The following SSX2IP variants were observed in gnomAD, a reference collection of about 807,000 sequenced individuals.
The protein encoded by SSX2IP is SSX family member 2 interacting protein, also known as afadin- and alpha-actinin-binding protein.
A neutral mutation model predicts 84.9 loss-of-function variants in SSX2IP; 55 were observed. The observed-to-expected ratio is 0.65, with a 90% CI of 0.52 to 0.81. The LOEUF (loss-of-function observed/expected upper bound fraction) is 0.81. SSX2IP is among the 30% of genes least tolerant of loss of function. The pLI is 0.00. For missense variants in SSX2IP, 664 were observed against 705.2 expected, an observed-to-expected ratio of 0.94 and a Z score of 0.66; for synonymous variants, 239 against 234.7, an observed-to-expected ratio of 1.02 and a Z score of -0.17.
chr1:84,656,254 G>C (rs1651101140), intron 10 of SSX2IP, 94 bp downstream of exon 10: 1 of 1,263,492 alleles, frequency 7.9e-7, no homozygotes, highest in Non-Finnish European at 1.1e-6. Flanking sequence ...TCAAATACCA[G>C]GGCCTTATGA....
At chr1:84,661,074 A>C (rs1570617434) in intron 8 of SSX2IP, among the ~76,000 whole-genome samples, 1 of 149,164 alleles carries the variant, frequency 6.7e-6, no homozygotes, top group African/African-American at 2.5e-5. Flanking sequence ...TCTTAAAAAA[A>C]AAAAAAAAAA....
In SSX2IP at chr1:84,646,059, T is replaced by C. The variant is rs1225651561; in HGVS notation, c.*1374A>G. On this transcript the variant is annotated 3_prime_UTR_variant, in exon 14 of 14. Coordinates refer to ENST00000342203, the MANE Select transcript of SSX2IP (RefSeq NM_001166293.2). Reference sequence around the variant, plus strand: ...TTTTTTTGTTTTTTAATAATATGAATTTAAAATAGCCACAAACAGGGTGAG... The same window carrying C: ...TTTTTTTGTTTTTTAATAATATGAACTTAAAATAGCCACAAACAGGGTGAG... 1 of 152,246 alleles carries C rather than the reference T, an allele frequency of 6.6e-6. No individual in the cohort carries two copies. The highest frequency in any genetic ancestry group is 1.5e-5 in the Non-Finnish European group (1 of 67,990). 9.4% of individuals were successfully genotyped at this position (152,246 alleles called of 1,614,324 possible). A position where few individuals can be genotyped will look rare whatever the true frequency, so the allele number is the denominator to read the frequency against.
At chr1:84,655,585 C>A in intron 11 of SSX2IP, 1 of 1,442,196 alleles carries the variant, frequency 6.9e-7, no homozygotes, top group Admixed American at 2.1e-5. Context: ...AGGAGAAAGC[C>A]AATCTGAAAG....
chr1:84,678,198 G>A (rs755108619), intron 1 of SSX2IP, among the ~76,000 whole-genome samples: 5 of 152,102 alleles, frequency 3.3e-5, no homozygotes, highest in Admixed American at 3.3e-4. Flanking sequence ...ATGGTTAGAT[G>A]TCTTCCCGAC....
rs1306114509 is a variant in SSX2IP at position 84,646,735 on chromosome 1, A to G, written c.*698T>C. On this transcript the variant is annotated 3_prime_UTR_variant, in exon 14 of 14. Coordinates refer to ENST00000342203, the MANE Select transcript of SSX2IP (RefSeq NM_001166293.2). ...GTAATGTTAGTAGTGTTGATTATCT[A>G]AAGAACTCAGCTTCATGGAATACCT... 2 of 152,592 alleles carry G rather than the reference A, an allele frequency of 1.3e-5. No individual in the cohort carries two copies. Among genetic ancestry groups the G allele is most frequent in the South Asian group, 2.1e-4 (1 of 4,832 alleles). The allele number at this position is 152,592 out of a possible 1,614,324, so 9.5% of individuals were successfully genotyped here.
chr1:84,682,969 A>G (rs1404239754), intron 1 of SSX2IP, among the ~76,000 whole-genome samples: 2 of 152,128 alleles, frequency 1.3e-5, no homozygotes, highest in Non-Finnish European at 2.9e-5. Context: ...CAATCTTACA[A>G]TGATCCAAAT....
At chr1:84,685,914 G>A (rs1462770240) in intron 1 of SSX2IP, among the ~76,000 whole-genome samples, 2 of 152,142 alleles carry the variant, frequency 1.3e-5, no homozygotes, top group Admixed American at 1.3e-4. Flanking sequence ...ACAATTAACA[G>A]GCAAATGAAA....
At chr1:84,666,328 T>A (rs1652773188) in intron 4 of SSX2IP, 96 bp from the exon 5 acceptor site, 2 of 845,930 alleles carry the variant, frequency 2.4e-6, no homozygotes, top group Non-Finnish European at 3.8e-6. Flanking sequence ...TACATCCTAG[T>A]GTTTATTAGT....
chr1:84,669,605 T>C, intron 4 of SSX2IP, 76 bp downstream of exon 4: 1 of 1,227,230 alleles, frequency 8.1e-7, no homozygotes, highest in Middle Eastern at 2.0e-4. Flanking sequence ...CCCTGAAATA[T>C]TTAATAAAGT....
intron 1 of SSX2IP, among the ~76,000 whole-genome samples, chr1:84,676,096 C>G (rs1356664214): frequency 6.6e-6 from 1 of 152,114 alleles, no homozygotes; most frequent in East Asian, 1.9e-4. Flanking sequence ...ATACAGCTAC[C>G]CAAATTCCAA....
At chr1:84,664,312 T>G (rs752666128) in intron 6 of SSX2IP, 105 bp downstream of exon 6, 21 of 1,183,808 alleles carry the variant, frequency 1.8e-5, no homozygotes, top group Non-Finnish European at 2.4e-5. Context: ...GTATAAAGCA[T>G]GAAAATAACA....
At chr1:84,648,485 A>C (rs1224445078) in intron 13 of SSX2IP, among the ~76,000 whole-genome samples, 1 of 152,240 alleles carries the variant, frequency 6.6e-6, no homozygotes, top group Non-Finnish European at 1.5e-5. Context: ...ATTAACATTT[A>C]ACTTGCAACA....
chr1:84,647,598 A>G lies in SSX2IP; in HGVS notation c.1680T>C (p.Asn560=). The stretch of plus-strand genomic sequence containing the variant: ...TTTCTTCAGCAGTTATATTCAGTAC[A>G]TTGATTGAACTGTTGGGAAAAGAAA... ...RSCISEHSSI[N]VLNITAEEIK... is the part of the protein sequence containing the mutation. Residue 560 remains asparagine (N), a synonymous_variant, in exon 14 of 14, where the codon AAT becomes AAC. Transcript: ENST00000342203. 1.9e-6 allele frequency: 3 copies of G among 1,594,944 alleles called. No homozygotes were observed. The highest frequency in any genetic ancestry group is 2.6e-6 in the Non-Finnish European group (3 of 1,169,630).
At chr1:84,670,922 A>T in intron 2 of SSX2IP, 107 bp from the exon 3 acceptor site, 1 of 842,782 alleles carries the variant, frequency 1.2e-6, no homozygotes, top group Non-Finnish European at 1.8e-6. Context: ...ATATAAACAT[A>T]GATATAATAT....
chr1:84,681,011 T>C (rs979642397), intron 1 of SSX2IP, among the ~76,000 whole-genome samples: 1 of 148,798 alleles, frequency 6.7e-6, no homozygotes, highest in African/African-American at 2.4e-5. Context: ...ATGCATAAAA[T>C]AAAACAGCAA....
intron 13 of SSX2IP, chr1:84,649,718 C>T: frequency 9.7e-6 from 3 of 310,300 alleles, no homozygotes; most frequent in South Asian, 2.9e-5. Context: ...AATGTTCTAC[C>T]TGCTTCCTCT....
chr1:84,658,477 G>T lies in SSX2IP; in HGVS notation c.928-9C>A. ...TCAACATCGGAAATAACCTACAAGC[G>T]GAGAGAGATGAAGAGGAAAGGCTAG... is the stretch of plus-strand genomic sequence containing the variant. On this transcript the variant is annotated splice_polypyrimidine_tract_variant and intron_variant, in intron 8 of 13. Transcript: ENST00000342203. 2 of 1,612,222 alleles carry T rather than the reference G, an allele frequency of 1.2e-6. No individual in the cohort carries two copies. The highest frequency in any genetic ancestry group is 1.7e-6 in the Non-Finnish European group (2 of 1,178,962).
At chr1:84,656,277 C>A in intron 10 of SSX2IP, 71 bp downstream of exon 10, 2 of 1,474,176 alleles carry the variant, frequency 1.4e-6, no homozygotes, top group African/African-American at 1.4e-5. Context: ...TAAAGGAATA[C>A]AAATCTGGTA....
At chr1:84,675,964 C>T (rs565507583) in intron 1 of SSX2IP, among the ~76,000 whole-genome samples, 52 of 152,282 alleles carry the variant, frequency 3.4e-4, no homozygotes, top group African/African-American at 1.3e-3. Flanking sequence ...TCTCATGTCT[C>T]CCTAAAATGT....
Sources: gnomAD v4.1 joint callset for allele counts (sites outside exome capture counted in the v4.1 genomes callset) on GRCh38, gnomAD v4.1.1 for gene constraint, MANE v1.5 for transcripts, NCBI Gene and HGNC (gene_info 2026-07-23, HGNC 2026-07-21) for gene names.